USP9X: variants seen among roughly 807,000 people sequenced by gnomAD.
USP9X encodes the protein ubiquitin carboxyl-terminal hydrolase 9X.
In USP9X, 7 loss-of-function variants were observed where a neutral mutation model predicts 190.3. The ratio of observed to expected loss-of-function variants is 0.04; its 90% CI spans 0.02 to 0.07. The LOEUF (loss-of-function observed/expected upper bound fraction) is 0.07, where lower values mean the gene tolerates loss of function less well. USP9X is among the 10% of genes least tolerant of loss of function. The pLI, the probability that USP9X is intolerant of heterozygous loss-of-function variation, is 1.00. For missense variants in USP9X, 1,010 were observed against 1,916.9 expected, an observed-to-expected ratio of 0.53 and a Z score of 8.83; for synonymous variants, 645 against 659.5, an observed-to-expected ratio of 0.98 and a Z score of 0.34.
intron 14 of USP9X, among the ~76,000 whole-genome samples, chrX:41,156,948 G>A (rs1487244698): frequency 8.9e-6 from 1 of 111,832 alleles, no homozygotes; most frequent in Non-Finnish European, 1.9e-5. Flanking sequence ...TAAAGAGATG[G>A]CCAAGACAAG....
At position 41,233,968 on chromosome X, in the gene USP9X, CAA is replaced by C. The variant is rs777424158; in HGVS notation, c.*1446_*1447del. 3 of 109,129 alleles carry C rather than the reference CAA, an allele frequency of 2.7e-5. No homozygotes were observed. The South Asian group carries it at 1.1e-3, about 42-fold the overall frequency. 9.0% of individuals were successfully genotyped at this position (109,129 alleles called of 1,213,427 possible). ...TATAGAAATTATTTTGCTGAATTCACAAATAGAATTTGATTTAAGAAGAACTT... is the reference window on the plus strand; with the variant it reads ...TATAGAAATTATTTTGCTGAATTCACATAGAATTTGATTTAAGAAGAACTT... On this transcript the variant is annotated 3_prime_UTR_variant, in exon 45 of 45. Transcript: ENST00000378308.
intron 2 of USP9X, among the ~76,000 whole-genome samples, chrX:41,125,302 C>T (rs1427187142): frequency 9.1e-6 from 1 of 109,534 alleles, no homozygotes. Flanking sequence ...TCTCGAACTC[C>T]TTACCTTGTG....
At position 41,232,515 on chromosome X, in the gene USP9X, G is replaced by T; in HGVS notation, c.7656G>T (p.Lys2552Asn). 1 of 1,209,977 alleles carries T rather than the reference G, an allele frequency of 8.3e-7. No homozygotes were observed. The highest frequency in any genetic ancestry group is 1.1e-6 in the Non-Finnish European group (1 of 894,680). ...AAGAAGTATCCCCACCTCAAACCAA[G>T]GATCAATGAAATGCACATAATTAAC... Reference protein sequence around the residue: ...GSEEVSPPQTKDQ With the variant: ...GSEEVSPPQTNDQ Residue 2552 changes from lysine to asparagine, a missense_variant, in exon 45 of 45, where the codon AAG becomes AAT. Transcript: ENST00000378308.
intron 1 of USP9X, among the ~76,000 whole-genome samples, chrX:41,104,575 C>T (rs182735698): frequency 9.0e-6 from 1 of 111,113 alleles, no homozygotes; most frequent in African/African-American, 3.3e-5. Flanking sequence ...AATAATTTTC[C>T]TCTGGGCTGG....
chrX:41,087,901 G>A (rs1469231141), intron 1 of USP9X, among the ~76,000 whole-genome samples: 1 of 112,257 alleles, frequency 8.9e-6, no homozygotes, highest in Non-Finnish European at 1.9e-5. Context: ...AGAATCTTAA[G>A]TTACTTCAGG....
rs201339341 is a variant in USP9X, at chrX:41,191,395, A to G, written c.3977+1920A>G. ...TGGCCCCAGGGGTTTCAAATAAGGG[A>G]TTGTGAGCTGTGTACAAATCTGCCC... On this transcript the variant is annotated intron_variant, in intron 26 of 44. Coordinates refer to ENST00000378308, the MANE Select transcript of USP9X (RefSeq NM_001039591.3). 4.4e-4 allele frequency among the ~76,000 whole-genome samples: 49 copies of G among 110,339 alleles called. No individual in the cohort carries two copies. The East Asian group carries it at 0.014, about 31-fold the overall frequency.
intron 1 of USP9X, 103 bp from the exon 2 acceptor site, chrX:41,123,368 C>CT (rs2062206936): frequency 6.3e-6 from 2 of 318,399 alleles, no homozygotes; most frequent in Admixed American, 5.6e-5. Flanking sequence ...TGTATAGCCC[C>CT]TTTTTCCTGA....
chrX:41,198,501 T>C, intron 29 of USP9X, 27 bp from the exon 30 acceptor site: 2 of 1,123,375 alleles, frequency 1.8e-6, no homozygotes, highest in Non-Finnish European at 2.4e-6. Context: ...GCATTGCTAA[T>C]ATGTAATCCC....
At chrX:41,201,512 A>C (rs2063041717) in intron 31 of USP9X, among the ~76,000 whole-genome samples, 1 of 111,602 alleles carries the variant, frequency 9.0e-6, no homozygotes, top group African/African-American at 3.3e-5. Flanking sequence ...ACTGCACTCC[A>C]GCCTGGGTTA....
intron 3 of USP9X, among the ~76,000 whole-genome samples, chrX:41,130,485 G>GT (rs1193224193): frequency 4.2e-5 from 4 of 94,995 alleles, no homozygotes; most frequent in Admixed American, 1.2e-4. Context: ...TTTTTTTTTT[G>GT]TTTTTTGTTT....
intron 21 of USP9X, among the ~76,000 whole-genome samples, chrX:41,183,272 TAAA>T (rs10719162): frequency 1.0e-5 from 1 of 96,710 alleles, no homozygotes; most frequent in African/African-American, 3.7e-5. Flanking sequence ...AGCTTTTACT[TAAA>T]AAAAAAAAAA....
chrX:41,099,677 T>G (rs1212278820), intron 1 of USP9X, among the ~76,000 whole-genome samples: 1 of 112,045 alleles, frequency 8.9e-6, no homozygotes, highest in East Asian at 2.8e-4. Flanking sequence ...ACTAGTTGAA[T>G]GAATTTTCTG....
At chrX:41,097,567 T>C (rs951693517) in intron 1 of USP9X, among the ~76,000 whole-genome samples, 20 of 112,160 alleles carry the variant, frequency 1.8e-4, no homozygotes, top group Admixed American at 1.5e-3. Flanking sequence ...AATAAAGTTA[T>C]GTATGCTTTT....
At chrX:41,106,064 A>G (rs1228087042) in intron 1 of USP9X, among the ~76,000 whole-genome samples, 1 of 111,731 alleles carries the variant, frequency 9.0e-6, no homozygotes, top group Non-Finnish European at 1.9e-5. Context: ...TTTTTCTTGT[A>G]ATTTGTGGGC....
chrX:41,088,146 G>T (rs2061927143), intron 1 of USP9X, among the ~76,000 whole-genome samples: 1 of 111,869 alleles, frequency 8.9e-6, no homozygotes, highest in South Asian at 3.7e-4. Context: ...ATCACGCCCG[G>T]CTAATTTTTT....
At chrX:41,101,637 C>T (rs1237685816) in intron 1 of USP9X, among the ~76,000 whole-genome samples, 3 of 110,292 alleles carry the variant, frequency 2.7e-5, no homozygotes, top group Non-Finnish European at 3.8e-5. Context: ...CTACTGCACT[C>T]CAGCCTGGGC....
chrX:41,200,766 A>G (rs1479608473), intron 30 of USP9X, among the ~76,000 whole-genome samples: 1 of 112,741 alleles, frequency 8.9e-6, no homozygotes, highest in Admixed American at 9.4e-5. Context: ...AAGTAAAGTT[A>G]GCATGTAGAC....
chrX:41,170,362 G>GTA, intron 19 of USP9X, 108 bp from the exon 20 acceptor site: 1 of 1,066,327 alleles, frequency 9.4e-7, no homozygotes, highest in South Asian at 2.2e-5. Flanking sequence ...TAGCATTAAA[G>GTA]TATAGCATGT....
intron 1 of USP9X, among the ~76,000 whole-genome samples, chrX:41,109,946 G>C (rs1159004595): frequency 8.9e-6 from 1 of 111,784 alleles, no homozygotes; most frequent in Non-Finnish European, 1.9e-5. Context: ...AAATAACTTA[G>C]GGATGTTTAG....
Sources: allele counts gnomAD v4.1 joint callset (sites outside exome capture counted in the v4.1 genomes callset), GRCh38; gene constraint gnomAD v4.1.1; transcripts MANE v1.5; gene names NCBI Gene and HGNC (gene_info 2026-07-23, HGNC 2026-07-21).